Variants in FAF1 observed in about 807,000 individuals in gnomAD.
FAF1 encodes the protein FAS-associated factor 1.
Under a neutral mutation model 92.5 loss-of-function variants are expected in FAF1, and 25 were observed. That is an observed-to-expected ratio of 0.27 (90% CI 0.20 to 0.38). FAF1 has a LOEUF of 0.38. Ranked by LOEUF, FAF1 falls within the 10% of genes least tolerant of loss-of-function variation. The pLI is 1.00. For synonymous variants in FAF1, 234 were observed against 273.2 expected (o/e 0.86, Z 1.42); for missense variants, 636 against 793.3 (o/e 0.80, Z 2.38).
intron 1 of FAF1, among the ~76,000 whole-genome samples, chr1:50,959,221 T>C (rs1645295829): frequency 6.6e-6 from 1 of 152,178 alleles, no homozygotes; most frequent in Non-Finnish European, 1.5e-5. Flanking sequence ...TGTTATCTTC[T>C]TACCCTCCAA....
intron 18 of FAF1, among the ~76,000 whole-genome samples, chr1:50,446,568 C>T (rs992549271): frequency 6.6e-6 from 1 of 152,146 alleles, no homozygotes; most frequent in African/African-American, 2.4e-5. Flanking sequence ...CTGGGAGCGA[C>T]CTGAGGGCAG....
At chr1:50,892,073 C>A (rs564942216) in intron 1 of FAF1, among the ~76,000 whole-genome samples, 34 of 152,336 alleles carry the variant, frequency 2.2e-4, no homozygotes, top group Middle Eastern at 3.4e-3. Context: ...GCCCCTCCCC[C>A]AGCCTTGCTG....
chr1:50,750,973 CTT>C (rs111253797), intron 4 of FAF1, among the ~76,000 whole-genome samples: 1 of 144,086 alleles, frequency 6.9e-6, no homozygotes. Flanking sequence ...AAGTTTAGCT[CTT>C]TTTTTTTTTA....
chr1:50,520,809 C>T (rs1383298010), intron 15 of FAF1, among the ~76,000 whole-genome samples: 2 of 152,182 alleles, frequency 1.3e-5, no homozygotes, highest in African/African-American at 4.8e-5. Context: ...TGTGCCACTG[C>T]ACTCCAGCAT....
Position 50,920,943 on chromosome 1 carries a change from A to G in FAF1, c.45+38824T>C, listed in dbSNP as rs531293119. 9.2e-5 allele frequency among the ~76,000 whole-genome samples: 14 copies of G among 152,318 alleles called. No individual in the cohort carries two copies. The East Asian group carries it at 2.3e-3, about 25-fold the overall frequency. On this transcript the variant is annotated intron_variant, in intron 1 of 18. Transcript: ENST00000396153. ...TATCACAGGCAATAAAGTAAGAAAAAGAAAGAAAAAGTCATAAAAATTGGA... is the reference window on the plus strand; with the variant it reads ...TATCACAGGCAATAAAGTAAGAAAAGGAAAGAAAAAGTCATAAAAATTGGA...
intron 1 of FAF1, among the ~76,000 whole-genome samples, chr1:50,934,184 C>T (rs562766027): frequency 1.4e-3 from 208 of 152,186 alleles, no homozygotes; most frequent in African/African-American, 4.8e-3. Flanking sequence ...TTAATATTAC[C>T]GCACCCCATA....
chr1:50,585,084 A>G (rs1164660608), intron 9 of FAF1, among the ~76,000 whole-genome samples: 1 of 152,214 alleles, frequency 6.6e-6, no homozygotes, highest in Non-Finnish European at 1.5e-5. Flanking sequence ...TTTCCCCAGC[A>G]TATAGTATAC....
chr1:50,654,319 A>T (rs1224088945), intron 8 of FAF1, among the ~76,000 whole-genome samples: 1 of 152,188 alleles, frequency 6.6e-6, no homozygotes, highest in Non-Finnish European at 1.5e-5. Flanking sequence ...TATTTATTTT[A>T]AAAATTAGAT....
intron 8 of FAF1, among the ~76,000 whole-genome samples, chr1:50,620,154 G>C (rs897956122): frequency 1.3e-5 from 2 of 152,086 alleles, no homozygotes; most frequent in East Asian, 3.8e-4. Context: ...TGATCCGCCC[G>C]CCTCGGCCTC....
rs780905134 is a variant in FAF1 at position 50,710,608 on chromosome 1, CT to C, written c.552-4718del. Among the ~76,000 whole-genome samples the C allele has an allele frequency of 2.6e-3, 385 of 146,932 alleles. 1 individual carries two copies. The highest frequency in any genetic ancestry group is 8.6e-3 in the African/African-American group (345 of 40,170). ...ACTATGAATATTACATTTAAAAACC[CT>C]TTTTTTTTTTCGAGACAGAGTCTCG... is the stretch of plus-strand genomic sequence containing the variant. On this transcript the variant is annotated intron_variant, in intron 6 of 18. Transcript: ENST00000396153.
chr1:50,488,276 T>C (rs1646789742), intron 17 of FAF1, among the ~76,000 whole-genome samples: 1 of 152,208 alleles, frequency 6.6e-6, no homozygotes. Flanking sequence ...TACTGAATTA[T>C]GTTTATAGGG....
chr1:50,746,219 T>C (rs1659579720), intron 4 of FAF1, among the ~76,000 whole-genome samples: 1 of 136,058 alleles, frequency 7.3e-6, no homozygotes, highest in South Asian at 2.5e-4. Context: ...CGCTCGTATG[T>C]GTGAGCAAAG....
intron 4 of FAF1, among the ~76,000 whole-genome samples, chr1:50,755,892 G>A (rs1660056524): frequency 6.6e-6 from 1 of 152,194 alleles, no homozygotes; most frequent in African/African-American, 2.4e-5. Context: ...TGGGATGCAA[G>A]GCACCAAGTC....
At chr1:50,802,906 C>T (rs1040891299) in intron 2 of FAF1, among the ~76,000 whole-genome samples, 3 of 152,258 alleles carry the variant, frequency 2.0e-5, no homozygotes, top group African/African-American at 7.2e-5. Context: ...AAGTATTTGC[C>T]ACAGTTTTGT....
Position 50,440,606 on chromosome 1 carries a change from A to C in FAF1, c.*834T>G, listed in dbSNP as rs910713325. 2 of 152,254 alleles carry C rather than the reference A, an allele frequency of 1.3e-5. No homozygotes were observed. Among genetic ancestry groups the C allele is most frequent in the African/African-American group, 4.8e-5 (2 of 41,462 alleles). The allele number at this position is 152,254 out of a possible 1,614,324, so 9.4% of individuals were successfully genotyped here. A position where few individuals can be genotyped will look rare whatever the true frequency, so the allele number is the denominator to read the frequency against. On this transcript the variant is annotated 3_prime_UTR_variant, in exon 19 of 19. Coordinates refer to ENST00000396153, the MANE Select transcript of FAF1 (RefSeq NM_007051.3). ...GAGAAAGCAAGAGAGAATTGTGTTC[A>C]GTTTACACTGATGGACTAGCAACTT...
At chr1:50,927,682 CT>C (rs1393172148) in intron 1 of FAF1, among the ~76,000 whole-genome samples, 3 of 152,202 alleles carry the variant, frequency 2.0e-5, no homozygotes, top group East Asian at 3.8e-4. Context: ...AAGGAGGCTT[CT>C]GGAACTCTGA....
chr1:50,508,592 G>A (rs1179370497), intron 15 of FAF1, among the ~76,000 whole-genome samples: 4 of 152,188 alleles, frequency 2.6e-5, no homozygotes, highest in Non-Finnish European at 5.9e-5. Context: ...GTGTGGGGAT[G>A]GAGAGTGACT....
chr1:50,727,518 G>T (rs1165888941), intron 6 of FAF1, among the ~76,000 whole-genome samples: 1 of 152,188 alleles, frequency 6.6e-6, no homozygotes, highest in African/African-American at 2.4e-5. Context: ...TTTTTAGGTG[G>T]TAGGGATACA....
chr1:50,730,752 T>G (rs566563120), intron 6 of FAF1, among the ~76,000 whole-genome samples: 2 of 152,360 alleles, frequency 1.3e-5, no homozygotes, highest in African/African-American at 4.8e-5. Context: ...CCTAACAGAC[T>G]AGGCTCCACA....
Sources: allele counts gnomAD v4.1 joint callset (sites outside exome capture counted in the v4.1 genomes callset), GRCh38; gene constraint gnomAD v4.1.1; transcripts MANE v1.5; gene names NCBI Gene and HGNC (gene_info 2026-07-23, HGNC 2026-07-21).